The following SLC8A1 variants were observed in gnomAD, a reference collection of about 807,000 sequenced individuals.
SLC8A1 encodes the protein solute carrier family 8 member A1.
SLC8A1 carries 18 observed loss-of-function variants against 68.3 expected under a neutral mutation model. The ratio of observed to expected loss-of-function variants is 0.26; its 90% confidence interval spans 0.18 to 0.39. SLC8A1 has a LOEUF of 0.39. Ranked by LOEUF, SLC8A1 falls within the 10% of genes least tolerant of loss-of-function variation. The pLI is 1.00. For missense variants in SLC8A1, 985 were observed against 1,156.7 expected, an observed-to-expected ratio of 0.85 and a Z score of 2.15; for synonymous variants, 475 against 415.5, an observed-to-expected ratio of 1.14 and a Z score of -1.74.
intron 4 of SLC8A1, among the ~76,000 whole-genome samples, chr2:40,174,331 AT>A (rs2048084355): frequency 6.6e-6 from 1 of 152,124 alleles, no homozygotes; most frequent in African/African-American, 2.4e-5. Flanking sequence ...TTTATGTGTT[AT>A]TAGGATCCTG....
At chr2:40,356,374 C>T (rs1672667944) in intron 2 of SLC8A1, among the ~76,000 whole-genome samples, 2 of 152,128 alleles carry the variant, frequency 1.3e-5, no homozygotes, top group Non-Finnish European at 2.9e-5. Context: ...CTCTCAAAGA[C>T]CACAGAGAAT....
chr2:40,469,691 T>C (rs1703896713), intron 1 of SLC8A1, among the ~76,000 whole-genome samples: 2 of 152,204 alleles, frequency 1.3e-5, no homozygotes, highest in Admixed American at 1.3e-4. Flanking sequence ...TTCTGTGTTT[T>C]CTTTTCATGG....
intron 2 of SLC8A1, among the ~76,000 whole-genome samples, chr2:40,357,926 G>T (rs1045612935): frequency 6.6e-6 from 1 of 151,732 alleles, no homozygotes; most frequent in African/African-American, 2.4e-5. Flanking sequence ...TTTTTGAGTT[G>T]CATGGTTCCT....
chr2:40,394,109 AG>A (rs942592242), intron 2 of SLC8A1, among the ~76,000 whole-genome samples: 4 of 152,106 alleles, frequency 2.6e-5, no homozygotes, highest in Non-Finnish European at 5.9e-5. Context: ...TGCACAGGAC[AG>A]CCCCCCACAA....
Position 40,400,767 on chromosome 2 carries a change from G to T in SLC8A1, c.1808+27706C>A, listed in dbSNP as rs943116878. Among the ~76,000 whole-genome samples, 4 of 152,254 alleles carry T rather than the reference G, an allele frequency of 2.6e-5. No homozygotes were observed. In the East Asian group the frequency reaches 5.8e-4, roughly 22 times the overall value. ...GGAGAGGGCTCTTCTCAGAAAACTA[G>T]AAGAGATTTTGGTGATGATGTCAGA... On this transcript the variant is annotated intron_variant, in intron 2 of 7. Coordinates refer to ENST00000406785, the Ensembl canonical transcript of SLC8A1.
At chr2:40,097,928 A>G (rs2033670222) in exon 8 of SLC8A1, 2 of 152,020 alleles carry the variant, frequency 1.3e-5, no homozygotes, top group African/African-American at 4.8e-5. Context: ...TTGAAATCAC[A>G]TATAACGATG....
intron 2 of SLC8A1, among the ~76,000 whole-genome samples, chr2:40,328,935 C>A (rs1229162601): frequency 6.6e-6 from 1 of 152,022 alleles, no homozygotes; most frequent in African/African-American, 2.4e-5. Flanking sequence ...CTTGTCTGCC[C>A]AAGGACTTCC....
At chr2:40,472,760 G>A (rs1213919732) in intron 1 of SLC8A1, among the ~76,000 whole-genome samples, 2 of 152,104 alleles carry the variant, frequency 1.3e-5, no homozygotes, top group Non-Finnish European at 2.9e-5. Context: ...TCCTCATGGA[G>A]TTAACATAAC....
chr2:40,259,679 G>A (rs1040247684), intron 2 of SLC8A1, among the ~76,000 whole-genome samples: 6 of 152,060 alleles, frequency 3.9e-5, no homozygotes, highest in South Asian at 2.1e-4. Context: ...TTTCTTAGAA[G>A]CCTCTTTTCT....
chr2:40,450,399 A>C (rs1559730575), intron 1 of SLC8A1, among the ~76,000 whole-genome samples: 1 of 151,962 alleles, frequency 6.6e-6, no homozygotes, highest in Admixed American at 6.6e-5. Flanking sequence ...GGGGCATGGG[A>C]AAGAGAGGTA....
chr2:40,472,793 C>G (rs532827901), intron 1 of SLC8A1, among the ~76,000 whole-genome samples: 1 of 152,134 alleles, frequency 6.6e-6, no homozygotes, highest in South Asian at 2.1e-4. Flanking sequence ...TCTAAACTTA[C>G]GGATTACTAG....
At chr2:40,476,096 GGTTA>G (rs1313240114) in intron 1 of SLC8A1, among the ~76,000 whole-genome samples, 1 of 152,166 alleles carries the variant, frequency 6.6e-6, no homozygotes, top group African/African-American at 2.4e-5. Flanking sequence ...AGCATTTTGA[GGTTA>G]GTTGTGGAAC....
chr2:40,350,965 T>A (rs1325840595), intron 2 of SLC8A1, among the ~76,000 whole-genome samples: 1 of 152,184 alleles, frequency 6.6e-6, no homozygotes, highest in Non-Finnish European at 1.5e-5. Context: ...ATGGCAGAGC[T>A]GAGAAATGAC....
intron 2 of SLC8A1, among the ~76,000 whole-genome samples, chr2:40,282,320 A>G (rs576066124): frequency 2.6e-5 from 4 of 152,184 alleles, no homozygotes; most frequent in Non-Finnish European, 4.4e-5. Flanking sequence ...GACACAAAAC[A>G]CAATAAAAAG....
chr2:40,123,732 T>G (rs1451326017), intron 7 of SLC8A1, among the ~76,000 whole-genome samples: 1 of 152,206 alleles, frequency 6.6e-6, no homozygotes, highest in Non-Finnish European at 1.5e-5. Flanking sequence ...AAAAGAATCA[T>G]AAGATTTAGT....
At chr2:40,345,242 C>T (rs1575572656) in intron 2 of SLC8A1, among the ~76,000 whole-genome samples, 1 of 152,080 alleles carries the variant, frequency 6.6e-6, no homozygotes, top group East Asian at 1.9e-4. Flanking sequence ...TCACTAGGGG[C>T]CCTGCTGCTC....
intron 4 of SLC8A1, among the ~76,000 whole-genome samples, chr2:40,166,561 T>G (rs1457995652): frequency 2.0e-5 from 3 of 152,212 alleles, no homozygotes; most frequent in African/African-American, 7.2e-5. Flanking sequence ...TAATTTTAAC[T>G]ATAAAAGTGG....
chr2:40,210,987 C>A (rs577521892), intron 2 of SLC8A1, among the ~76,000 whole-genome samples: 2 of 152,298 alleles, frequency 1.3e-5, no homozygotes, highest in Admixed American at 6.5e-5. Flanking sequence ...TTTATCAAGA[C>A]CCTCATTTTC....
At chr2:40,215,258 T>C (rs959870675) in intron 2 of SLC8A1, among the ~76,000 whole-genome samples, 1 of 152,112 alleles carries the variant, frequency 6.6e-6, no homozygotes, top group Non-Finnish European at 1.5e-5. Flanking sequence ...CTTGAACTCC[T>C]GGACTCAAGC....
Sources: allele counts gnomAD v4.1 joint callset (sites outside exome capture counted in the v4.1 genomes callset), GRCh38; gene constraint gnomAD v4.1.1; transcripts MANE v1.5; gene names NCBI Gene and HGNC (gene_info 2026-07-23, HGNC 2026-07-21).